The following ZNF582 variants were observed in gnomAD, a reference collection of about 807,000 sequenced individuals.
ZNF582 encodes the protein zinc finger protein 582.
In ZNF582, 14 loss-of-function variants were observed where a neutral mutation model predicts 12.3. The ratio of observed to expected loss-of-function variants is 1.14; its 90% CI spans 0.75 to 1.78. The LOEUF is 1.78. Ranked by LOEUF, ZNF582 falls within the 40% of genes most tolerant of loss-of-function variation. The pLI, the probability that ZNF582 is intolerant of heterozygous loss-of-function variation, is 0.00. For synonymous variants in ZNF582, 210 were observed against 207.2 expected (o/e 1.01, Z -0.11); for missense variants, 567 against 616.5 (o/e 0.92, Z 0.85).
intron 1 of ZNF582, 78 bp from the exon 2 acceptor site, chr19:56,391,910 T>C (rs2042017084): frequency 7.1e-6 from 9 of 1,261,864 alleles, no homozygotes; most frequent in Non-Finnish European, 1.0e-5. Context: ...AGTCCCCACC[T>C]GCTTGCCCTC....
intron 4 of ZNF582, among the ~76,000 whole-genome samples, chr19:56,388,714 T>C (rs193053479): frequency 9.7e-4 from 148 of 152,224 alleles, no homozygotes; most frequent in African/African-American, 2.7e-3. Flanking sequence ...ATCACTGCAA[T>C]CTCCGCCTCC....
At chr19:56,383,381 A>G (rs2041933993) in exon 5 of ZNF582, 1 of 152,538 alleles carries the variant, frequency 6.6e-6, no homozygotes, top group South Asian at 2.1e-4. Flanking sequence ...ATATGAGTTT[A>G]TCTTTCAGAT....
chr19:56,384,124 A>C, exon 5 of ZNF582: 1 of 1,612,936 alleles, frequency 6.2e-7, no homozygotes, highest in Non-Finnish European at 8.5e-7. Flanking sequence ...AATGACTAAA[A>C]GCCTTCCCAC....
exon 5 of ZNF582, chr19:56,383,710 A>AT (rs2041937298): frequency 2.3e-6 from 2 of 851,410 alleles, no homozygotes. Context: ...TTTGACAATT[A>AT]TGATCTGAAC....
At chr19:56,389,482 T>C (rs2041997665) in intron 4 of ZNF582, among the ~76,000 whole-genome samples, 1 of 151,996 alleles carries the variant, frequency 6.6e-6, no homozygotes, top group Non-Finnish European at 1.5e-5. Flanking sequence ...TGAGGACACA[T>C]GGACACACAG....
chr19:56,386,992 T>C (rs572308818), intron 4 of ZNF582, among the ~76,000 whole-genome samples: 1 of 152,364 alleles, frequency 6.6e-6, no homozygotes, highest in East Asian at 1.9e-4. Flanking sequence ...TAAATTGATA[T>C]ATGTATATAA....
At chr19:56,391,792 G>C in exon 2 of ZNF582, 1 of 1,614,178 alleles carries the variant, frequency 6.2e-7, no homozygotes, top group South Asian at 1.1e-5. Flanking sequence ...CCTCCTTCTG[G>C]TTCCTCTCTT....
chr19:56,389,890 A>G (rs2042000607), intron 4 of ZNF582, 111 bp downstream of exon 4: 2 of 774,184 alleles, frequency 2.6e-6, no homozygotes, highest in Admixed American at 2.5e-5. Context: ...CACGTAAGAC[A>G]TAAGCTTTGA....
exon 3 of ZNF582, chr19:56,390,400 C>T (rs777927578): frequency 6.2e-7 from 1 of 1,614,216 alleles, no homozygotes; most frequent in South Asian, 1.1e-5. Context: ...TGCTGTAGGT[C>T]TCCAACATCA....
rs1279966601 is a variant in ZNF582, at chr19:56,385,004, T to TA, written c.412_413insT (p.His138LeufsTer10). 6.2e-7 allele frequency: 1 copy of TA among 1,614,044 alleles called. No individual in the cohort carries two copies. The highest frequency in any genetic ancestry group is 8.5e-7 in the Non-Finnish European group (1 of 1,180,026). On this transcript the variant is annotated frameshift_variant, in exon 5 of 5. Transcript: ENST00000586929. LOFTEE classifies it low-confidence loss of function (END_TRUNC). ...ATGTCTGATGATCATCTGATGGAAATGTCTGTCTGGATTTCCCTGTTGTCT... is the reference window on the plus strand; with the variant it reads ...ATGTCTGATGATCATCTGATGGAAATAGTCTGTCTGGATTTCCCTGTTGTCT...
intron 1 of ZNF582, 94 bp from the exon 2 acceptor site, chr19:56,391,926 A>G: frequency 9.3e-7 from 1 of 1,069,740 alleles, no homozygotes. Context: ...CCCTCTGCCC[A>G]CCAAGAAAAT....
intron 4 of ZNF582, 86 bp downstream of exon 4, chr19:56,389,915 A>G (rs1296664141): frequency 4.4e-5 from 47 of 1,059,902 alleles, no homozygotes; most frequent in Non-Finnish European, 5.7e-6. Context: ...AGCAACCTGC[A>G]GGGAAGATCT....
chr19:56,388,585 C>CCA (rs1484020414), intron 4 of ZNF582, among the ~76,000 whole-genome samples: 1 of 152,220 alleles, frequency 6.6e-6, no homozygotes, highest in East Asian at 1.9e-4. Flanking sequence ...TTCCCTCTGC[C>CCA]CACAGTGCAG....
intron 4 of ZNF582, among the ~76,000 whole-genome samples, chr19:56,389,774 A>C (rs2041999882): frequency 6.6e-6 from 1 of 152,186 alleles, no homozygotes; most frequent in Non-Finnish European, 1.5e-5. Flanking sequence ...GAACCACCAT[A>C]TTTGTACTCA....
In ZNF582 at chr19:56,390,336, C is replaced by G. The variant is rs8113288; in HGVS notation, c.136+39G>C. ...AAAACTGACCAGGAAGGAACATGCC[C>G]AAGGATAACCTCCAAACTAACAGAC... On this transcript the variant is annotated intron_variant, in intron 3 of 4. Coordinates refer to ENST00000586929, the Ensembl canonical transcript of ZNF582. The G allele has an allele frequency of 4.8e-3, 7,756 of 1,613,330 alleles. 300 individuals carry two copies. The African/African-American group carries it at 0.089, about 19-fold the overall frequency.
exon 5 of ZNF582, chr19:56,383,980 C>T (rs2041939902): frequency 6.2e-7 from 1 of 1,613,928 alleles, no homozygotes; most frequent in East Asian, 2.2e-5. Flanking sequence ...TTATTATATT[C>T]ACATGTGTTT....
chr19:56,393,165 C>A, intron 1 of ZNF582, 55 bp downstream of exon 1: 3 of 1,225,568 alleles, frequency 2.4e-6, no homozygotes, highest in Non-Finnish European at 3.2e-6. Context: ...GCACGCATAA[C>A]AGTGAATGCA....
At chr19:56,392,932 CT>C (rs909335932) in intron 1 of ZNF582, among the ~76,000 whole-genome samples, 1 of 152,120 alleles carries the variant, frequency 6.6e-6, no homozygotes, top group Non-Finnish European at 1.5e-5. Context: ...ATTATGACCA[CT>C]TTTATAAGCA....
chr19:56,389,202 A>T (rs2147514750), intron 4 of ZNF582, among the ~76,000 whole-genome samples: 1 of 152,296 alleles, frequency 6.6e-6, no homozygotes. Context: ...CTGCAGTGTA[A>T]GTTCCATGAA....
Sources: allele counts gnomAD v4.1 joint callset (sites outside exome capture counted in the v4.1 genomes callset), GRCh38; gene constraint gnomAD v4.1.1; transcripts MANE v1.5; gene names NCBI Gene and HGNC (gene_info 2026-07-23, HGNC 2026-07-21).